ZNF407: variants seen among roughly 807,000 people sequenced by gnomAD.
The protein encoded by ZNF407 is zinc finger protein 407.
In ZNF407, 17 loss-of-function variants were observed where a neutral mutation model predicts 131.2. The ratio of observed to expected loss-of-function variants is 0.13; its 90% CI spans 0.09 to 0.19. The LOEUF is 0.19. Among genes scored for constraint, ZNF407 ranks in the 10% least tolerant of loss-of-function variants. ZNF407 has a pLI of 1.00. For synonymous variants in ZNF407, 1,156 were observed against 1,062.0 expected (o/e 1.09, Z -1.72); for missense variants, 2,681 against 2,830.6 (o/e 0.95, Z 1.20).
chr18:74,874,993 G>A (rs1971136662), intron 4 of ZNF407, among the ~76,000 whole-genome samples: 1 of 152,092 alleles, frequency 6.6e-6, no homozygotes, highest in Non-Finnish European at 1.5e-5. Flanking sequence ...TTTCGCCCAG[G>A]GCTCCTCGTG....
intron 1 of ZNF407, among the ~76,000 whole-genome samples, chr18:74,626,558 G>A (rs902504814): frequency 2.6e-5 from 4 of 152,084 alleles, no homozygotes; most frequent in African/African-American, 4.8e-5. Context: ...CTACAGTTCC[G>A]TTCATTTGGT....
chr18:74,881,104 C>A lies in ZNF407; in HGVS notation c.5113C>A (p.Arg1705Ser). Residue 1705 changes from arginine (R) to serine (S), a missense_variant, in exon 6 of 9, where the codon CGC becomes AGC. Physicochemically the swap from Arg to Ser is moderately radical, Grantham distance 110. Transcript: ENST00000299687. ...GACCCGCCACGCCCTCACCAAGCAT[C>A]GCAGACAGCACACAGGTCAGTTCCG... ...GGTRHALTKH[R>S]RQHTGEKPFK... 6.3e-7 allele frequency: 1 copy of A among 1,576,264 alleles called. No homozygotes were observed. The highest frequency in any genetic ancestry group is 1.8e-5 in the Admixed American group (1 of 55,616).
chr18:74,634,211 T>G lies in ZNF407; in HGVS notation c.3192T>G (p.His1064Gln). 1.2e-6 allele frequency: 2 copies of G among 1,614,042 alleles called. No homozygotes were observed. The highest frequency in any genetic ancestry group is 1.7e-6 in the Non-Finnish European group (2 of 1,179,902). ...TGACTCGTCGCGAGATGACCAGGCATGCAGCAACAGAGAAGCACAAAATGA... is the reference window on the plus strand; with the variant it reads ...TGACTCGTCGCGAGATGACCAGGCAGGCAGCAACAGAGAAGCACAAAATGA... ...YAVTRREMTR[H>Q]AATEKHKMKR... Residue 1064 changes from histidine to glutamine, a missense_variant, in exon 2 of 9, where the codon CAT becomes CAG. By Grantham distance (24) the His-to-Gln change is conservative. Coordinates refer to ENST00000299687, the MANE Select transcript of ZNF407 (RefSeq NM_017757.3).
chr18:74,688,680 T>TTTGAG (rs1305869084), intron 3 of ZNF407, among the ~76,000 whole-genome samples: 2 of 152,204 alleles, frequency 1.3e-5, no homozygotes, highest in Non-Finnish European at 2.9e-5. Context: ...TGTGATTTAT[T>TTTGAG]TTGAGTTAAT....
chr18:74,709,379 G>A (rs533306716), intron 3 of ZNF407, among the ~76,000 whole-genome samples: 3 of 152,100 alleles, frequency 2.0e-5, no homozygotes, highest in African/African-American at 7.2e-5. Flanking sequence ...TCTTTGTAAA[G>A]GTACAGCCAC....
chr18:74,621,944 T>C (rs189086125), intron 1 of ZNF407, among the ~76,000 whole-genome samples: 5 of 152,190 alleles, frequency 3.3e-5, no homozygotes, highest in African/African-American at 1.2e-4. Context: ...AGACAGACCC[T>C]ATTACATCTA....
chr18:74,850,934 T>G (rs1370915195), intron 4 of ZNF407, among the ~76,000 whole-genome samples: 1 of 152,168 alleles, frequency 6.6e-6, no homozygotes, highest in Non-Finnish European at 1.5e-5. Context: ...CAATAAAGAT[T>G]TCTTAAATGA....
intron 8 of ZNF407, among the ~76,000 whole-genome samples, chr18:74,992,871 A>G (rs1972735068): frequency 6.6e-6 from 1 of 152,240 alleles, no homozygotes; most frequent in Non-Finnish European, 1.5e-5. Flanking sequence ...AGCACATGAA[A>G]TGATGCTAAT....
At chr18:74,688,664 A>C (rs1211570903) in intron 3 of ZNF407, among the ~76,000 whole-genome samples, 1 of 152,114 alleles carries the variant, frequency 6.6e-6, no homozygotes, top group African/African-American at 2.4e-5. Flanking sequence ...ATTTAACATT[A>C]AGGTCTGTGA....
At chr18:74,876,725 G>A (rs1032110547) in intron 4 of ZNF407, among the ~76,000 whole-genome samples, 2 of 152,192 alleles carry the variant, frequency 1.3e-5, no homozygotes, top group African/African-American at 4.8e-5. Flanking sequence ...CACCTTTGGG[G>A]TTTGCCTTTT....
At chr18:74,915,404 AGTGTGTGT>A (rs61019062) in intron 7 of ZNF407, among the ~76,000 whole-genome samples, 6 of 105,790 alleles carry the variant, frequency 5.7e-5, no homozygotes, top group African/African-American at 1.6e-4. Flanking sequence ...TCGAATCAGG[AGTGTGTGT>A]GTGTGTGTGT....
intron 4 of ZNF407, among the ~76,000 whole-genome samples, chr18:74,847,082 A>T (rs1316542261): frequency 2.6e-5 from 4 of 152,180 alleles, no homozygotes; most frequent in Admixed American, 2.6e-4. Flanking sequence ...CTACTGAGAG[A>T]TGCCTTTATA....
intron 4 of ZNF407, among the ~76,000 whole-genome samples, chr18:74,865,803 G>A (rs968840777): frequency 2.0e-5 from 3 of 152,180 alleles, no homozygotes; most frequent in Non-Finnish European, 4.4e-5. Flanking sequence ...TGTAGTGAAA[G>A]TACGCTAAAT....
chr18:74,880,119 G>T (rs1023849247), intron 5 of ZNF407, among the ~76,000 whole-genome samples: 1 of 152,040 alleles, frequency 6.6e-6, no homozygotes. Context: ...TGAATCTCTC[G>T]AAGGTTAGCA....
At chr18:75,009,849 A>G (rs1054491349) in intron 8 of ZNF407, among the ~76,000 whole-genome samples, 1 of 152,186 alleles carries the variant, frequency 6.6e-6, no homozygotes, top group Non-Finnish European at 1.5e-5. Context: ...GAAAATAGAC[A>G]CACCCTATTT....
chr18:74,846,665 C>T (rs1383837224), intron 4 of ZNF407, among the ~76,000 whole-genome samples: 1 of 151,468 alleles, frequency 6.6e-6, no homozygotes, highest in African/African-American at 2.4e-5. Context: ...AAATATTGAA[C>T]ACCTTTAGAG....
chr18:74,957,233 G>A (rs530101975), intron 8 of ZNF407, among the ~76,000 whole-genome samples: 21 of 152,002 alleles, frequency 1.4e-4, no homozygotes, highest in Non-Finnish European at 2.6e-4. Flanking sequence ...GTCGTTCTTC[G>A]CTTTCCCTAT....
chr18:74,766,411 G>T (rs1343622219), intron 3 of ZNF407, among the ~76,000 whole-genome samples: 1 of 152,186 alleles, frequency 6.6e-6, no homozygotes, highest in Non-Finnish European at 1.5e-5. Flanking sequence ...CAGGATTGTG[G>T]AGAGTGGTCA....
chr18:74,801,826 A>G (rs1393495936), intron 4 of ZNF407, among the ~76,000 whole-genome samples: 2 of 152,216 alleles, frequency 1.3e-5, no homozygotes, highest in African/African-American at 4.8e-5. Flanking sequence ...GAACATGACA[A>G]AAGGAGAGTG....
Sources: allele counts gnomAD v4.1 joint callset (sites outside exome capture counted in the v4.1 genomes callset), GRCh38; gene constraint gnomAD v4.1.1; transcripts MANE v1.5; gene names NCBI Gene and HGNC (gene_info 2026-07-23, HGNC 2026-07-21).